Variants in NCOR2 observed in about 807,000 individuals in gnomAD.
NCOR2 encodes nuclear receptor corepressor 2.
In NCOR2, 81 loss-of-function variants were observed where a neutral mutation model predicts 262.9. The ratio of observed to expected loss-of-function variants is 0.31; its 90% CI spans 0.26 to 0.37. The LOEUF is 0.37. NCOR2 is among the 10% of genes least tolerant of loss of function. The probability of loss-of-function intolerance (pLI) is 1.00; values close to 1 mark genes in which losing one functional copy is unlikely to be tolerated. For missense variants in NCOR2, 3,385 were observed against 3,621.4 expected (o/e 0.93, Z 1.68); for synonymous variants, 1,659 against 1,559.3 (o/e 1.06, Z -1.51).
At chr12:124,355,565 G>A (rs767140612) in exon 24 of NCOR2, 13 of 1,571,836 alleles carry the variant, frequency 8.3e-6, no homozygotes, top group Non-Finnish European at 1.0e-5. Context: ...CAGGGGCAGT[G>A]GGTGACCTGT....
chr12:124,399,824 G>GC (rs1427495967), intron 15 of NCOR2, among the ~76,000 whole-genome samples: 1 of 152,124 alleles, frequency 6.6e-6, no homozygotes, highest in African/African-American at 2.4e-5. Context: ...GCACACCGCT[G>GC]CCCCCTGCGG....
chr12:124,441,986 A>G (rs1472810061), intron 7 of NCOR2, among the ~76,000 whole-genome samples: 2 of 152,230 alleles, frequency 1.3e-5, no homozygotes, highest in Non-Finnish European at 2.9e-5. Flanking sequence ...GCTGGAGACT[A>G]AAGAGACACG....
chr12:124,471,675 C>G (rs948347524), intron 4 of NCOR2, among the ~76,000 whole-genome samples: 1 of 152,240 alleles, frequency 6.6e-6, no homozygotes, highest in Non-Finnish European at 1.5e-5. Flanking sequence ...CTCAGGCACT[C>G]CTGCCTCAGC....
At chr12:124,407,202 G>A (rs1309467072) in intron 13 of NCOR2, among the ~76,000 whole-genome samples, 2 of 152,212 alleles carry the variant, frequency 1.3e-5, no homozygotes, top group Admixed American at 6.5e-5. Flanking sequence ...ACCAGCCACA[G>A]AAAGATGTGG....
intron 3 of NCOR2, among the ~76,000 whole-genome samples, chr12:124,474,201 G>A (rs964743707): frequency 2.0e-5 from 3 of 152,132 alleles, no homozygotes; most frequent in African/African-American, 4.8e-5. Flanking sequence ...GTCCAAACAC[G>A]CAAGTTCCAG....
rs954324868 is a variant in NCOR2, at chr12:124,389,217, G to C, written c.1877-3330C>G. ...CCGGCCAGAGCCCACAGACCCCCGG[G>C]CCGGGCAAAATCCAAGGACCCAGGC... On this transcript the variant is annotated intron_variant, in intron 16 of 46. Coordinates refer to ENST00000405201, the Ensembl canonical transcript of NCOR2. This position sits in a 1 kb window ranked among gnomAD's most constrained non-coding sequence, Gnocchi z 4.4. 6.6e-6 allele frequency among the ~76,000 whole-genome samples: 1 copy of C among 152,238 alleles called. No homozygotes were observed. Among genetic ancestry groups the C allele is most frequent in the African/African-American group, 2.4e-5 (1 of 41,460 alleles).
intron 5 of NCOR2, among the ~76,000 whole-genome samples, chr12:124,461,816 G>A (rs551601803): frequency 1.6e-4 from 24 of 152,336 alleles, no homozygotes; most frequent in African/African-American, 3.8e-4. Context: ...GTGCCAATTC[G>A]TGGATGAATG....
In NCOR2 at chr12:124,430,583, C is replaced by T. The variant is rs527779023; in HGVS notation, c.1055+32G>A. On this transcript the variant is annotated intron_variant, in intron 9 of 46. Transcript: ENST00000405201. ...TGCTGGAGCTGACCCCGGGCCCTGA[C>T]GTCGGGGGCCCTGGGCTCAGGCCCC... The T allele has an allele frequency of 1.2e-5, 19 of 1,579,574 alleles. No homozygotes were observed. In the African/African-American group the frequency reaches 1.8e-4, roughly 15 times the overall value.
chr12:124,525,246 T>C (rs2050402285), intron 1 of NCOR2, among the ~76,000 whole-genome samples: 1 of 152,034 alleles, frequency 6.6e-6, no homozygotes, highest in Non-Finnish European at 1.5e-5. Flanking sequence ...TGTTCCCTCA[T>C]CCCCCTTCCT....
At position 124,543,630 on chromosome 12, in the gene NCOR2, G is replaced by A. The variant is rs1006695450; in HGVS notation, c.-164-8019C>T. 3.3e-5 allele frequency among the ~76,000 whole-genome samples: 5 copies of A among 152,238 alleles called. No homozygotes were observed. The East Asian group carries it at 7.7e-4, about 23-fold the overall frequency. On this transcript the variant is annotated intron_variant, in intron 1 of 32. Transcript: ENST00000458234. ...TGCGGGGTGTGGGGCCGCCATCAGA[G>A]ACAGCAGCCGGCAGGAGCAATTAGA...
chr12:124,522,465 C>T (rs77861094), intron 1 of NCOR2, among the ~76,000 whole-genome samples: 10 of 152,080 alleles, frequency 6.6e-5, no homozygotes, highest in Admixed American at 3.9e-4. Context: ...TGGCTCCTGG[C>T]GTTCCTTCCG....
upstream of NCOR2, among the ~76,000 whole-genome samples, chr12:124,496,243 C>T (rs989443700): frequency 7.9e-5 from 12 of 151,514 alleles, no homozygotes; most frequent in African/African-American, 2.4e-5. This position sits in a 1 kb window ranked among gnomAD's most constrained non-coding sequence, Gnocchi z 4.4. Flanking sequence ...CCACCCCCAA[C>T]AAGGCTTCTC....
intron 27 of NCOR2, among the ~76,000 whole-genome samples, chr12:124,351,467 G>A (rs2037457747): frequency 6.6e-6 from 1 of 152,196 alleles, no homozygotes; most frequent in African/African-American, 2.4e-5. Context: ...CCTCCCCAGT[G>A]TGTCCCCCAC....
At chr12:124,403,512 C>T (rs2042097205) in intron 13 of NCOR2, among the ~76,000 whole-genome samples, 1 of 152,208 alleles carries the variant, frequency 6.6e-6, no homozygotes, top group Non-Finnish European at 1.5e-5. Context: ...AAAGCACACA[C>T]TGATTTTCTT....
intron 3 of NCOR2, among the ~76,000 whole-genome samples, chr12:124,477,820 GC>G (rs1447683652): frequency 2.0e-5 from 3 of 150,228 alleles, no homozygotes; most frequent in Non-Finnish European, 4.5e-5. Context: ...CGCACAAGTT[GC>G]CAGGGGGCAG....
chr12:124,437,396 C>T (rs1411386563), intron 8 of NCOR2, among the ~76,000 whole-genome samples: 1 of 152,220 alleles, frequency 6.6e-6, no homozygotes, highest in African/African-American at 2.4e-5. Context: ...CAGTGAGAAG[C>T]AGGAATCAGC....
chr12:124,497,514 A>C (rs949712321), upstream of NCOR2, among the ~76,000 whole-genome samples: 3 of 152,238 alleles, frequency 2.0e-5, no homozygotes, highest in Admixed American at 6.5e-5. The surrounding 1 kb of genome is among the most constrained non-coding windows in gnomAD (Gnocchi z 4.2). Context: ...CGGGCCTGTC[A>C]CTTTCATTCA....
intron 22 of NCOR2, among the ~76,000 whole-genome samples, chr12:124,358,164 T>C (rs2038154536): frequency 6.9e-6 from 1 of 145,842 alleles, no homozygotes; most frequent in South Asian, 2.2e-4. Flanking sequence ...TGTGTGCCTG[T>C]ACACAATGTT....
chr12:124,442,011 G>A (rs1257342471), intron 7 of NCOR2, among the ~76,000 whole-genome samples: 2 of 152,254 alleles, frequency 1.3e-5, no homozygotes, highest in Non-Finnish European at 2.9e-5. Context: ...CAAATGTCAC[G>A]TGAGAACCTG....
Sources: allele counts gnomAD v4.1 joint callset (sites outside exome capture counted in the v4.1 genomes callset), GRCh38; gene constraint gnomAD v4.1.1; non-coding constraint Gnocchi (gnomAD v3.1); transcripts MANE v1.5; gene names NCBI Gene and HGNC (gene_info 2026-07-23, HGNC 2026-07-21).